SP100: variants seen among roughly 807,000 people sequenced by gnomAD.
SP100 encodes SP100 nuclear body protein.
Under a neutral mutation model 130.0 loss-of-function variants are expected in SP100, and 84 were observed. That is an observed-to-expected ratio of 0.65 (90% CI 0.54 to 0.77). SP100 has a LOEUF of 0.77. Ranked by LOEUF, SP100 falls within the 30% of genes least tolerant of loss-of-function variation. SP100 has a pLI of 0.00. For synonymous variants in SP100, 331 were observed against 351.7 expected (o/e 0.94, Z 0.66); for missense variants, 978 against 1,052.2 (o/e 0.93, Z 0.97).
intron 24 of SP100, among the ~76,000 whole-genome samples, chr2:230,528,104 A>C (rs896140051): frequency 6.6e-6 from 1 of 152,222 alleles, no homozygotes; most frequent in Non-Finnish European, 1.5e-5. Context: ...AGAACTCTAC[A>C]CCCCAAATCA....
At position 230,494,416 on chromosome 2, in the gene SP100, G is replaced by GA. The variant is rs755117277; in HGVS notation, c.1607dup (p.Arg537GlufsTer4). 5 of 1,596,108 alleles carry GA rather than the reference G, an allele frequency of 3.1e-6. No homozygotes were observed. Among genetic ancestry groups the GA allele is most frequent in the South Asian group, 1.1e-5 (1 of 90,536 alleles). ...TATTTTCTTTCTTTTCTGTTTGCAGGAAAAAAGAGAAGGCATAGATCTAAA... is the reference window on the plus strand; with the variant it reads ...TATTTTCTTTCTTTTCTGTTTGCAGGAAAAAAAGAGAAGGCATAGATCTAAA... On this transcript the variant is annotated frameshift_variant and splice_region_variant, in exon 18 of 29. Coordinates refer to ENST00000340126, the MANE Select transcript of SP100 (RefSeq NM_001080391.2). LOFTEE classifies it high-confidence loss of function.
At chr2:230,429,594 T>C (rs1421663047) in intron 2 of SP100, among the ~76,000 whole-genome samples, 1 of 152,128 alleles carries the variant, frequency 6.6e-6, no homozygotes, top group Non-Finnish European at 1.5e-5. Context: ...AATTTGTATG[T>C]TGTTTTACTT....
At chr2:230,447,086 A>G (rs1156508544) in intron 5 of SP100, among the ~76,000 whole-genome samples, 184 bp downstream of exon 5, 1 of 152,192 alleles carries the variant, frequency 6.6e-6, no homozygotes, top group Middle Eastern at 3.2e-3. Flanking sequence ...AGTTGGCTCA[A>G]TAACCATGAG....
intron 1 of SP100, chr2:230,416,951 A>G: frequency 1.1e-6 from 1 of 924,648 alleles, no homozygotes; most frequent in Non-Finnish European, 1.3e-6. Context: ...ACCTCTGACC[A>G]GAAAAGAGAA....
At chr2:230,435,099 A>G (rs2149884070) in intron 2 of SP100, among the ~76,000 whole-genome samples, 1 of 152,308 alleles carries the variant, frequency 6.6e-6, no homozygotes, top group South Asian at 2.1e-4. Context: ...CTTTTCTGAA[A>G]AGGCTGTAGT....
intron 24 of SP100, among the ~76,000 whole-genome samples, chr2:230,534,362 C>T (rs767389032): frequency 6.6e-6 from 1 of 152,182 alleles, no homozygotes; most frequent in Non-Finnish European, 1.5e-5. Flanking sequence ...GCTGAGATTG[C>T]ACCAGTGCAT....
At chr2:230,463,163 G>C (rs1431967145) in intron 10 of SP100, among the ~76,000 whole-genome samples, 1 of 152,116 alleles carries the variant, frequency 6.6e-6, no homozygotes, top group African/African-American at 2.4e-5. Flanking sequence ...CTAGATGAGA[G>C]AACACAATTG....
intron 2 of SP100, among the ~76,000 whole-genome samples, chr2:230,433,101 A>G (rs1292754258): frequency 6.6e-6 from 1 of 152,200 alleles, no homozygotes; most frequent in Non-Finnish European, 1.5e-5. Flanking sequence ...TTGTGACTGC[A>G]CAGGATGCAT....
intron 2 of SP100, among the ~76,000 whole-genome samples, chr2:230,418,149 C>A (rs1244074588): frequency 6.6e-6 from 1 of 152,154 alleles, no homozygotes; most frequent in East Asian, 1.9e-4. Context: ...TACATTGGAG[C>A]CACTTTAGCC....
At chr2:230,541,766 A>C (rs1692188299) in intron 27 of SP100, 126 bp from the exon 28 acceptor site, 2 of 981,540 alleles carry the variant, frequency 2.0e-6, no homozygotes, top group Non-Finnish European at 3.0e-6. Context: ...CCCACCTCCT[A>C]GTACCTTCAC....
At chr2:230,429,528 C>A (rs961357445) in intron 2 of SP100, among the ~76,000 whole-genome samples, 1 of 152,178 alleles carries the variant, frequency 6.6e-6, no homozygotes, top group Non-Finnish European at 1.5e-5. Flanking sequence ...GCCATTACTT[C>A]TCTAAATGTA....
chr2:230,498,303 C>T (rs1313465000), intron 18 of SP100, among the ~76,000 whole-genome samples, 158 bp from the exon 19 acceptor site: 1 of 152,002 alleles, frequency 6.6e-6, no homozygotes, highest in African/African-American at 2.4e-5. Context: ...CCCAGGTTAA[C>T]CATCAAAGGC....
chr2:230,420,094 T>A (rs998714013), intron 2 of SP100, among the ~76,000 whole-genome samples: 3 of 152,254 alleles, frequency 2.0e-5, no homozygotes, highest in Non-Finnish European at 2.9e-5. Context: ...TTCATGATTG[T>A]TTGAACTTGG....
intron 2 of SP100, among the ~76,000 whole-genome samples, chr2:230,432,041 T>C (rs905675117): frequency 1.3e-5 from 2 of 152,204 alleles, no homozygotes; most frequent in African/African-American, 4.8e-5. Context: ...TTGGGATCAA[T>C]TCCTGCTCCT....
chr2:230,542,175 T>A, intron 28 of SP100, 140 bp downstream of exon 28: 1 of 925,536 alleles, frequency 1.1e-6, no homozygotes, highest in South Asian at 1.5e-5. Flanking sequence ...ATCCTGGAAG[T>A]ATCCTAAAAG....
chr2:230,476,660 C>CCTTTCTTG (rs1039624848), intron 17 of SP100, among the ~76,000 whole-genome samples: 4 of 152,014 alleles, frequency 2.6e-5, no homozygotes, highest in Admixed American at 6.6e-5. Flanking sequence ...ACACACTTGT[C>CCTTTCTTG]CTTTCTTGCT....
intron 17 of SP100, among the ~76,000 whole-genome samples, chr2:230,481,034 T>TGGTGGA (rs2065810208): frequency 6.9e-6 from 1 of 145,216 alleles, no homozygotes; most frequent in Non-Finnish European, 1.5e-5. Context: ...TTGGTGGTGG[T>TGGTGGA]GGTGGTGGTG....
chr2:230,441,624 G>A (rs1332782520), intron 2 of SP100, among the ~76,000 whole-genome samples: 1 of 152,106 alleles, frequency 6.6e-6, no homozygotes, highest in Non-Finnish European at 1.5e-5. Context: ...AGACACAAAA[G>A]CATATATACC....
chr2:230,461,765 A>G (rs540237971), intron 9 of SP100, among the ~76,000 whole-genome samples: 1 of 152,096 alleles, frequency 6.6e-6, no homozygotes, highest in East Asian at 1.9e-4. Context: ...CCTGGGCAAC[A>G]TGGCGAAACC....
Sources: gnomAD v4.1 joint callset for allele counts (sites outside exome capture counted in the v4.1 genomes callset) on GRCh38, gnomAD v4.1.1 for gene constraint, MANE v1.5 for transcripts, NCBI Gene and HGNC (gene_info 2026-07-23, HGNC 2026-07-21) for gene names.